The following DSC1 variants were observed in gnomAD, a reference collection of about 807,000 sequenced individuals.
The protein encoded by DSC1 is desmocollin-1.
Under a neutral mutation model 98.8 loss-of-function variants are expected in DSC1, and 79 were observed. The observed-to-expected ratio is 0.80, with a 90% CI of 0.67 to 0.96. DSC1 has a LOEUF of 0.96. Among genes scored for constraint, DSC1 ranks in the 50% least tolerant of loss-of-function variants. The pLI, the probability that DSC1 is intolerant of heterozygous loss-of-function variation, is 0.00. For synonymous variants in DSC1, 405 were observed against 372.1 expected, an observed-to-expected ratio of 1.09 and a Z score of -1.02; for missense variants, 1,115 against 1,075.9, an observed-to-expected ratio of 1.04 and a Z score of -0.51.
chr18:31,156,254 G>A, intron 3 of DSC1, 92 bp from the exon 4 acceptor site: 1 of 1,457,916 alleles, frequency 6.9e-7, no homozygotes, highest in East Asian at 2.3e-5. Context: ...GCAGATGTAA[G>A]GGTTACACAT....
At chr18:31,135,633 G>A (rs558374104) in intron 11 of DSC1, among the ~76,000 whole-genome samples, 3 of 152,046 alleles carry the variant, frequency 2.0e-5, no homozygotes, top group Non-Finnish European at 4.4e-5. Context: ...GAACTGTCTC[G>A]TACTCATCTG....
intron 5 of DSC1, among the ~76,000 whole-genome samples, chr18:31,153,707 A>G (rs750335813): frequency 6.6e-6 from 1 of 152,088 alleles, no homozygotes; most frequent in African/African-American, 2.4e-5. Context: ...CTAGCTTCAT[A>G]TTTCACACTC....
chr18:31,139,618 A>T (rs1988685323), intron 11 of DSC1, 130 bp downstream of exon 11: 1 of 990,564 alleles, frequency 1.0e-6, no homozygotes, highest in African/African-American at 1.6e-5. Flanking sequence ...GTGATATCCA[A>T]TAACATGAAC....
intron 5 of DSC1, among the ~76,000 whole-genome samples, chr18:31,153,753 G>T (rs895786859): frequency 6.6e-6 from 1 of 152,026 alleles, no homozygotes; most frequent in Non-Finnish European, 1.5e-5. Flanking sequence ...GCCAGGGTTT[G>T]TTGTTGTTGT....
chr18:31,143,645 AGG>A lies in DSC1; in HGVS notation c.1074+10_1074+11del. The A allele has an allele frequency of 6.5e-7, 1 of 1,546,748 alleles. No individual in the cohort carries two copies. Among genetic ancestry groups the A allele is most frequent in the Non-Finnish European group, 8.7e-7 (1 of 1,148,390 alleles). Reference sequence around the variant, plus strand: ...GATAAATCTAGATGAATGAATAGAGAGGTATACTCACAGAAGTTTCTGTGAAA... The same window carrying A: ...GATAAATCTAGATGAATGAATAGAGATATACTCACAGAAGTTTCTGTGAAA... On this transcript the variant is annotated intron_variant, in intron 8 of 15. Coordinates refer to ENST00000257198, the MANE Select transcript of DSC1 (RefSeq NM_024421.2).
chr18:31,154,621 G>A (rs1313047516), intron 5 of DSC1, among the ~76,000 whole-genome samples, 153 bp downstream of exon 5: 1 of 151,738 alleles, frequency 6.6e-6, no homozygotes, highest in Non-Finnish European at 1.5e-5. Flanking sequence ...CCCCATCAAT[G>A]GTGAATAGAA....
rs1418154955 is a variant in DSC1, at chr18:31,130,445, T to C, written c.*69A>G. The C allele has an allele frequency of 1.3e-6, 2 of 1,566,608 alleles. No homozygotes were observed. The highest frequency in any genetic ancestry group is 4.5e-5 in the East Asian group (2 of 44,522). ...CATAAACAAAAACATTAGCAGATGC[T>C]GCTAACATTCTGCAAGTAATAAATT... On this transcript the variant is annotated 3_prime_UTR_variant, in exon 16 of 16. Transcript: ENST00000257198.
chr18:31,160,259 A>G (rs1274996076), intron 1 of DSC1, among the ~76,000 whole-genome samples: 1 of 152,212 alleles, frequency 6.6e-6, no homozygotes, highest in Non-Finnish European at 1.5e-5. Context: ...AAAAATGTCT[A>G]TAGGTTCAAA....
At chr18:31,141,754 T>C (rs1324706947) in intron 9 of DSC1, among the ~76,000 whole-genome samples, 3 of 152,202 alleles carry the variant, frequency 2.0e-5, no homozygotes, top group East Asian at 1.9e-4. Context: ...GGTTCAGTAT[T>C]CAATATTTCT....
chr18:31,142,867 G>A (rs1054565033), intron 8 of DSC1, among the ~76,000 whole-genome samples: 1 of 151,980 alleles, frequency 6.6e-6, no homozygotes, highest in Non-Finnish European at 1.5e-5. Flanking sequence ...TGGTTTATTA[G>A]TATGAGATCT....
chr18:31,131,645 G>A lies in DSC1; in HGVS notation c.2436C>T (p.Gly812=). 1 of 1,614,042 alleles carries A rather than the reference G, an allele frequency of 6.2e-7. No homozygotes were observed. Among genetic ancestry groups the A allele is most frequent in the Non-Finnish European group, 8.5e-7 (1 of 1,179,982 alleles). ...TCTGCCAGTCCGTGTACGCATATCT[G>A]CCAGTATCTCCCTGCCCCACTCCCT... ...SVKGVGQGDT[G]RYAYTDWQSF... Residue 812 remains glycine (G), a synonymous_variant, in exon 15 of 16, where the codon GGC becomes GGT. Transcript: ENST00000257198.
chr18:31,145,814 C>T (rs763242507), intron 6 of DSC1, 37 bp from the exon 7 acceptor site: 19 of 1,583,978 alleles, frequency 1.2e-5, no homozygotes, highest in African/African-American at 6.8e-5. Context: ...AAAATTTCTA[C>T]TCATATAATT....
At chr18:31,159,214 C>A (rs974950911) in intron 2 of DSC1, among the ~76,000 whole-genome samples, 7 of 128,480 alleles carry the variant, frequency 5.4e-5, no homozygotes, top group African/African-American at 2.0e-4. Flanking sequence ...CCACCGCGCC[C>A]GGCTAATTTT....
chr18:31,147,935 T>C (rs74504619), intron 6 of DSC1, among the ~76,000 whole-genome samples: 1 of 151,994 alleles, frequency 6.6e-6, no homozygotes, highest in African/African-American at 2.4e-5. Flanking sequence ...CTTCTATATA[T>C]CCTTAAATGA....
chr18:31,159,341 C>T, intron 2 of DSC1, 104 bp downstream of exon 2: 4 of 1,156,290 alleles, frequency 3.5e-6, no homozygotes, highest in Non-Finnish European at 3.8e-6. Flanking sequence ...GCGTGAGCCA[C>T]CGCGCCCGGC....
In DSC1 at chr18:31,140,292, A is replaced by C. The variant is rs754446714; in HGVS notation, c.1270T>G (p.Tyr424Asp). 2.5e-5 allele frequency: 41 copies of C among 1,613,832 alleles called. No individual in the cohort carries two copies. In the Admixed American group the frequency reaches 6.3e-4, roughly 25 times the overall value. ...AAAATAACTTGGCGATTGACTTCAT[A>C]GTTCAATGGCTGTTAAATAAGCATA... ...GVLCVVKPLN[Y>D]EVNRQVILQV... is the part of the protein sequence containing the mutation. The change falls in exon 10 of 16, where the codon TAT becomes GAT. Residue 424 changes from tyrosine to aspartate, a missense_variant. Tyr to Asp is a radical substitution (Grantham distance 160). Coordinates refer to ENST00000257198, the MANE Select transcript of DSC1 (RefSeq NM_024421.2).
intron 5 of DSC1, among the ~76,000 whole-genome samples, chr18:31,150,015 C>T (rs912857229): frequency 7.4e-6 from 1 of 135,506 alleles, no homozygotes; most frequent in Non-Finnish European, 1.6e-5. Flanking sequence ...ACCACCACCA[C>T]CATCATCATC....
chr18:31,134,031 A>C lies in DSC1; in HGVS notation c.1976T>G (p.Met659Arg), dbSNP rs28620831. 3,297 of 1,613,072 alleles carry C rather than the reference A, an allele frequency of 2.0e-3. 69 individuals carry two copies. In the African/African-American group the frequency reaches 0.039, roughly 19 times the overall value. ...KDRHGLVATHMLTVRVCDCST... is the reference protein window; with the variant it reads ...KDRHGLVATHRLTVRVCDCST... ...ACAGTCACATACTCTCACTGTTAACATATGTGTTGCAACTAAACCATGCCT... is the reference window on the plus strand; with the variant it reads ...ACAGTCACATACTCTCACTGTTAACCTATGTGTTGCAACTAAACCATGCCT... Residue 659 changes from methionine to arginine, a missense_variant, in exon 13 of 16, where the codon ATG becomes AGG. Physicochemically the swap from Met to Arg is moderately conservative, Grantham distance 91. Transcript: ENST00000257198.
chr18:31,137,030 T>C (rs1034745356), intron 11 of DSC1, among the ~76,000 whole-genome samples: 2 of 152,266 alleles, frequency 1.3e-5, no homozygotes, highest in African/African-American at 2.4e-5. Flanking sequence ...AAAGTACATC[T>C]TGGGTTAACT....
Sources: gnomAD v4.1 joint callset for allele counts (sites outside exome capture counted in the v4.1 genomes callset) on GRCh38, gnomAD v4.1.1 for gene constraint, MANE v1.5 for transcripts, NCBI Gene and HGNC (gene_info 2026-07-23, HGNC 2026-07-21) for gene names.